Variants in CTSH observed in about 807,000 individuals in gnomAD.
CTSH encodes the protein cathepsin H.
A neutral mutation model predicts 56.3 loss-of-function variants in CTSH; 52 were observed. The ratio of observed to expected loss-of-function variants is 0.92; its 90% CI spans 0.74 to 1.16. The LOEUF (loss-of-function observed/expected upper bound fraction) is 1.16, where lower values mean the gene tolerates loss of function less well. Among genes scored for constraint, CTSH ranks in the 50% most tolerant of loss-of-function variants. The pLI is 0.00. For missense variants in CTSH, 406 were observed against 424.5 expected (o/e 0.96, Z 0.38); for synonymous variants, 174 against 155.7 (o/e 1.12, Z -0.88).
intron 5 of CTSH, chr15:78,934,737 G>A: frequency 1.8e-6 from 1 of 560,384 alleles, no homozygotes; most frequent in Non-Finnish European, 3.3e-6. Context: ...TCTGGGGCGT[G>A]GGGAAGGAAG....
At chr15:78,922,893 G>A (rs576058973) in intron 11 of CTSH, 100 bp downstream of exon 11, 19 of 1,428,140 alleles carry the variant, frequency 1.3e-5, no homozygotes, top group South Asian at 4.3e-5. Context: ...TGACCAGCTC[G>A]TCTGTGGAAG....
chr15:78,922,045 A>C lies in CTSH; in HGVS notation c.*85T>G. 1 of 1,305,594 alleles carries C rather than the reference A, an allele frequency of 7.7e-7. No homozygotes were observed. The highest frequency in any genetic ancestry group is 1.1e-6 in the Non-Finnish European group (1 of 929,424). 80.9% of individuals were successfully genotyped at this position (1,305,594 alleles called of 1,614,324 possible). Reference sequence around the variant, plus strand: ...GGGGGTCCCAGTGGATCTCCCCACAACTTCCTCCAGGGCAGGATTTCCACC... The same window carrying C: ...GGGGGTCCCAGTGGATCTCCCCACACCTTCCTCCAGGGCAGGATTTCCACC... On this transcript the variant is annotated 3_prime_UTR_variant, in exon 12 of 12. Coordinates refer to ENST00000220166, the MANE Select transcript of CTSH (RefSeq NM_004390.5).
intron 6 of CTSH, chr15:78,931,952 T>C (rs1405757238): frequency 5.2e-6 from 6 of 1,164,474 alleles, no homozygotes; most frequent in Non-Finnish European, 6.4e-6. Flanking sequence ...GGGGCTAGGA[T>C]AGTTCCTTCA....
intron 1 of CTSH, among the ~76,000 whole-genome samples, chr15:78,940,891 G>C (rs952981262): frequency 6.6e-6 from 1 of 151,180 alleles, no homozygotes; most frequent in Non-Finnish European, 1.5e-5. Context: ...CCTGAGAGGC[G>C]GAGGCTGCTG....
intron 8 of CTSH, 44 bp downstream of exon 8, chr15:78,929,368 C>T (rs779063055): frequency 1.4e-6 from 2 of 1,458,960 alleles, no homozygotes; most frequent in Admixed American, 1.7e-5. Context: ...TGAAGCTAGG[C>T]ATGCTGTACG....
Position 78,925,417 on chromosome 15 carries a change from C to G in CTSH, c.723G>C (p.Glu241Asp), listed in dbSNP as rs1410371588. Residue 241 changes from glutamate to aspartate, a missense_variant, in exon 10 of 12, where the codon GAG becomes GAC. Transcript: ENST00000220166. ...TCACAGGGTTGTAGAGGGCCACAGC[C>G]TCCACCATCGCTTCCTCGTCATACT... The part of the protein sequence containing the change: ...ITIYDEEAMV[E>D]AVALYNPVSF... The G allele has an allele frequency of 6.2e-7, 1 of 1,613,736 alleles. No individual in the cohort carries two copies. The highest frequency in any genetic ancestry group is 2.2e-5 in the East Asian group (1 of 44,898).
At chr15:78,936,605 AG>A (rs1252551290) in intron 3 of CTSH, among the ~76,000 whole-genome samples, 7 of 151,992 alleles carry the variant, frequency 4.6e-5, no homozygotes, top group African/African-American at 1.4e-4. Flanking sequence ...CAGAGTCCTC[AG>A]AAAATACGCT....
chr15:78,929,516 A>G, intron 7 of CTSH, 23 bp from the exon 8 acceptor site: 3 of 1,575,764 alleles, frequency 1.9e-6, no homozygotes, highest in Non-Finnish European at 2.6e-6. Context: ...CACACAGGTG[A>G]GCCCACCTGG....
At chr15:78,924,426 G>A (rs987951489) in intron 10 of CTSH, among the ~76,000 whole-genome samples, 3 of 151,942 alleles carry the variant, frequency 2.0e-5, no homozygotes, top group African/African-American at 4.8e-5. Context: ...ATGGTGACCA[G>A]GGCAGAGCCT....
rs1252929826 is a variant in CTSH at position 78,937,391 on chromosome 15, G to A, written c.156C>T (p.His52=). The change falls in exon 3 of 12, where the codon CAC becomes CAT. Residue 52 remains histidine (H), a synonymous_variant. Transcript: ENST00000220166. Reference sequence around the variant, plus strand: ...TGCTGGCAAACGTCTGCAGCCTGTGGTGGTACTCCTCCGTACTGTAGGTCT... The same window carrying A: ...TGCTGGCAAACGTCTGCAGCCTGTGATGGTACTCCTCCGTACTGTAGGTCT... ...HRKTYSTEEY[H]HRLQTFASNW... The A allele has an allele frequency of 1.2e-6, 2 of 1,614,174 alleles. No individual in the cohort carries two copies. Among genetic ancestry groups the A allele is most frequent in the South Asian group, 2.2e-5 (2 of 91,080 alleles).
At chr15:78,937,596 AACCCCGTTTTCAGGG>A in intron 2 of CTSH, 173 bp from the exon 3 acceptor site, 2 of 1,410,784 alleles carry the variant, frequency 1.4e-6, no homozygotes, top group African/African-American at 2.9e-5. Flanking sequence ...GTTACAAAAC[AACCCCGTTTTCAGGG>A]ACCTGTGGCC....
rs140074137 is a variant in CTSH, at chr15:78,931,563, C to T, written c.493-57G>A. On this transcript the variant is annotated intron_variant, in intron 6 of 11. Transcript: ENST00000220166. ...AGCTGAGAAGCCGTCAAGGCTTTGG[C>T]GTGAGGCGCTAAGCCTCCCTGGCTG... The T allele has an allele frequency of 2.0e-5, 32 of 1,613,368 alleles. No individual in the cohort carries two copies. The East Asian group carries it at 4.7e-4, about 24-fold the overall frequency.
intron 3 of CTSH, among the ~76,000 whole-genome samples, chr15:78,936,671 C>G (rs1356508235): frequency 6.6e-6 from 1 of 151,908 alleles, no homozygotes; most frequent in Non-Finnish European, 1.5e-5. Context: ...CTCTTGTTGC[C>G]CAGGCTGGAG....
intron 10 of CTSH, among the ~76,000 whole-genome samples, chr15:78,924,077 T>TC (rs1567345331): frequency 2.8e-5 from 1 of 36,322 alleles, no homozygotes; most frequent in Non-Finnish European, 4.9e-5. Flanking sequence ...CCCCAGGAGG[T>TC]GGGGGGGATC....
chr15:78,933,669 A>C, intron 5 of CTSH: 1 of 323,504 alleles, frequency 3.1e-6, no homozygotes, highest in Non-Finnish European at 6.5e-6. Context: ...AGCTCGGCTG[A>C]CCCTTGGGTG....
At chr15:78,935,134 T>C (rs1259378365) in intron 4 of CTSH, 52 bp from the exon 5 acceptor site, 1 of 1,216,232 alleles carries the variant, frequency 8.2e-7, no homozygotes. Flanking sequence ...ACCAAAAACC[T>C]TTCTGACAAC....
intron 5 of CTSH, chr15:78,933,656 C>A (rs933229711): frequency 5.6e-6 from 2 of 357,110 alleles, no homozygotes; most frequent in Admixed American, 5.9e-5. Flanking sequence ...CTGAAGGAGG[C>A]GGAGCTCGGC....
intron 8 of CTSH, among the ~76,000 whole-genome samples, chr15:78,928,001 G>A (rs974614830): frequency 1.3e-5 from 2 of 152,224 alleles, no homozygotes; most frequent in African/African-American, 2.4e-5. Flanking sequence ...CACATGGTGT[G>A]TGGTGGGAGC....
intron 11 of CTSH, 29 bp downstream of exon 11, chr15:78,922,964 C>T (rs762704922): frequency 4.4e-6 from 7 of 1,594,106 alleles, no homozygotes; most frequent in East Asian, 4.5e-5. Flanking sequence ...ACATCCCCCT[C>T]CCAGAAGTGG....
Sources: allele counts gnomAD v4.1 joint callset (sites outside exome capture counted in the v4.1 genomes callset), GRCh38; gene constraint gnomAD v4.1.1; transcripts MANE v1.5; gene names NCBI Gene and HGNC (gene_info 2026-07-23, HGNC 2026-07-21).